TNC: variants seen among roughly 807,000 people sequenced by gnomAD.
The protein encoded by TNC is tenascin.
Under a neutral mutation model 202.4 loss-of-function variants are expected in TNC, and 109 were observed. The observed-to-expected ratio is 0.54, with a 90% confidence interval of 0.46 to 0.63. TNC has a LOEUF of 0.63. Among genes scored for constraint, TNC ranks in the 30% least tolerant of loss-of-function variants. The probability of loss-of-function intolerance (pLI) is 0.00; values close to 1 mark genes in which losing one functional copy is unlikely to be tolerated. For synonymous variants in TNC, 1,007 were observed against 1,089.7 expected (o/e 0.92, Z 1.50); for missense variants, 2,756 against 2,833.3 (o/e 0.97, Z 0.62).
intron 20 of TNC, 89 bp from the exon 21 acceptor site, chr9:115,036,330 A>C (rs1830331634): frequency 7.0e-7 from 1 of 1,433,024 alleles, no homozygotes. Flanking sequence ...ACCTCCTTCG[A>C]ACATCGAAAC....
At chr9:115,030,427 T>A in intron 23 of TNC, 22 bp from the exon 24 acceptor site, 1 of 1,605,642 alleles carries the variant, frequency 6.2e-7, no homozygotes, top group Non-Finnish European at 8.5e-7. Flanking sequence ...GGAGAAATGG[T>A]GATGCTCTCA....
chr9:115,089,955 C>T (rs556294790), intron 2 of TNC, among the ~76,000 whole-genome samples: 9 of 152,298 alleles, frequency 5.9e-5, no homozygotes, highest in Non-Finnish European at 1.2e-4. Flanking sequence ...GATAATACAA[C>T]AGTGCCTGTT....
At chr9:115,042,373 A>G in intron 17 of TNC, 32 bp from the exon 18 acceptor site, 1 of 1,612,010 alleles carries the variant, frequency 6.2e-7, no homozygotes, top group South Asian at 1.1e-5. Context: ...AGAAGCCCAG[A>G]AACAGTTAAC....
chr9:115,064,070 T>C lies in TNC; in HGVS notation c.3488-2A>G. 6.2e-7 allele frequency: 1 copy of C among 1,602,076 alleles called. No individual in the cohort carries two copies. The highest frequency in any genetic ancestry group is 8.5e-7 in the Non-Finnish European group (1 of 1,172,516). On this transcript the variant is annotated splice_acceptor_variant, in intron 11 of 27. Coordinates refer to ENST00000350763, the MANE Select transcript of TNC (RefSeq NM_002160.4). LOFTEE classifies it high-confidence loss of function. ...CCTCTCCCAAATTGGGAGTTTCCCC[T>C]GGAGAAGGACAAAGAACTAGTTTAG... is the stretch of plus-strand genomic sequence containing the variant.
intron 22 of TNC, among the ~76,000 whole-genome samples, chr9:115,033,410 A>T (rs569170438): frequency 1.4e-4 from 21 of 152,214 alleles, no homozygotes; most frequent in Non-Finnish European, 2.4e-4. Context: ...TCAGTTCTCT[A>T]GGCTTCTGTG....
intron 1 of TNC, among the ~76,000 whole-genome samples, chr9:115,098,001 T>A (rs751912131): frequency 1.3e-5 from 2 of 152,158 alleles, no homozygotes; most frequent in Admixed American, 6.6e-5. Context: ...GAATATAGGC[T>A]TTAATATTTA....
At chr9:115,107,071 T>C (rs976008392) in intron 1 of TNC, among the ~76,000 whole-genome samples, 1 of 149,500 alleles carries the variant, frequency 6.7e-6, no homozygotes, top group Non-Finnish European at 1.5e-5. Context: ...GGGAACTTAC[T>C]AGATGATTTT....
intron 9 of TNC, among the ~76,000 whole-genome samples, chr9:115,075,410 T>C (rs1436657452): frequency 6.6e-6 from 1 of 152,140 alleles, no homozygotes; most frequent in Non-Finnish European, 1.5e-5. Context: ...TTGGACTAGA[T>C]AATGGTTTAT....
At chr9:115,091,632 G>A (rs374992872) in intron 1 of TNC, among the ~76,000 whole-genome samples, 39 of 152,106 alleles carry the variant, frequency 2.6e-4, no homozygotes, top group South Asian at 1.0e-3. Flanking sequence ...CCCTGGTCCC[G>A]GTAGATGTTC....
At chr9:115,087,343 A>G in intron 2 of TNC, 70 bp from the exon 3 acceptor site, 1 of 1,506,618 alleles carries the variant, frequency 6.6e-7, no homozygotes, top group South Asian at 1.2e-5. Flanking sequence ...TACCCAGGGC[A>G]CCCAGATTCA....
intron 1 of TNC, among the ~76,000 whole-genome samples, chr9:115,091,716 G>T (rs1835250442): frequency 6.6e-6 from 1 of 152,174 alleles, no homozygotes; most frequent in South Asian, 2.1e-4. Context: ...GTCATGAGAG[G>T]CAGAGGTTAA....
At chr9:115,060,841 T>G (rs1434292456) in intron 13 of TNC, among the ~76,000 whole-genome samples, 1 of 152,158 alleles carries the variant, frequency 6.6e-6, no homozygotes, top group Non-Finnish European at 1.5e-5. Context: ...TGCTCGTACT[T>G]TATGTCTAAA....
chr9:115,023,973 C>T lies in TNC; in HGVS notation c.6495G>A (p.Gln2165=), dbSNP rs1461072843. ...MGRYGDNNHS[Q]GVNWFHWKGH... ...CTCTGGGCCCTCACGGTCCACTCAC[C>T]TGACTGTGGTTATTGTCCCCATATC... The change falls in exon 27 of 28, where the codon CAG becomes CAA. Residue 2165 remains glutamine, a splice_region_variant and synonymous_variant. Transcript: ENST00000350763. 5 of 1,613,328 alleles carry T rather than the reference C, an allele frequency of 3.1e-6. No homozygotes were observed. Among genetic ancestry groups the T allele is most frequent in the East Asian group, 2.2e-5 (1 of 44,852 alleles).
chr9:115,095,484 ATATATATG>A (rs1564137708), intron 1 of TNC, among the ~76,000 whole-genome samples: 7 of 22,726 alleles, frequency 3.1e-4, no homozygotes, highest in Admixed American at 9.7e-4. Flanking sequence ...ATATATGTAT[ATATATATG>A]TATATATATG....
rs1393771240 is a variant in TNC at position 115,064,817 on chromosome 9, A to G, written c.3317T>C (p.Ile1106Thr). ...AADQAYEHFIIQVQEANKVEA... is the reference protein window; with the variant it reads ...AADQAYEHFITQVQEANKVEA... The stretch of plus-strand genomic sequence containing the variant: ...CACCTTGTTGGCCTCCTGCACCTGA[A>G]TGATAAAGTGCTCATAGGCCTGGTC... The change falls in exon 11 of 28, where the codon ATT becomes ACT. Residue 1106 changes from isoleucine (I) to threonine (T), a missense_variant. Around this residue, in one of 2 missense-constraint regions of TNC, gnomAD observed 2,559 missense variants for 2,546.0 expected, o/e 1.01. Transcript: ENST00000350763. 1.9e-6 allele frequency: 3 copies of G among 1,614,128 alleles called. No individual in the cohort carries two copies. The highest frequency in any genetic ancestry group is 1.7e-6 in the Non-Finnish European group (2 of 1,180,012).
At chr9:115,095,660 G>A (rs1338826864) in intron 1 of TNC, among the ~76,000 whole-genome samples, 3 of 23,364 alleles carry the variant, frequency 1.3e-4, no homozygotes, top group East Asian at 4.2e-3. Context: ...GTATATATAT[G>A]TATATATATA....
chr9:115,069,598 T>C (rs528921385), intron 10 of TNC, among the ~76,000 whole-genome samples: 87 of 38,654 alleles, frequency 2.3e-3, no homozygotes, highest in African/African-American at 2.8e-3. Context: ...TTCCTTCCCT[T>C]CCTCCCTCCC....
chr9:115,107,074 A>G (rs982369798), intron 1 of TNC, among the ~76,000 whole-genome samples: 1 of 149,278 alleles, frequency 6.7e-6, no homozygotes, highest in Non-Finnish European at 1.5e-5. Flanking sequence ...AACTTACTAG[A>G]TGATTTTTTT....
rs1180959514 is a variant in TNC at position 115,090,786 on chromosome 9, G to T, written c.233C>A (p.Ala78Glu). ...GCTTTCGCTGGGCTCTGAAGGCGGT[G>T]CCAGGTCTTTCTCCCCACTGGCTGA... ...LESASGEKDL[A>E]PPSEPSESFQ... The change falls in exon 2 of 28, where the codon GCA becomes GAA. Residue 78 changes from alanine (A) to glutamate (E), a missense_variant. Ala to Glu is a moderately radical substitution (Grantham distance 107). Coordinates refer to ENST00000350763, the MANE Select transcript of TNC (RefSeq NM_002160.4). 1 of 1,614,228 alleles carries T rather than the reference G, an allele frequency of 6.2e-7. No homozygotes were observed. Among genetic ancestry groups the T allele is most frequent in the Non-Finnish European group, 8.5e-7 (1 of 1,180,046 alleles).
Sources: allele counts gnomAD v4.1 joint callset (sites outside exome capture counted in the v4.1 genomes callset), GRCh38; gene constraint gnomAD v4.1.1; regional missense constraint gnomAD v4.1.1; transcripts MANE v1.5; gene names NCBI Gene and HGNC (gene_info 2026-07-23, HGNC 2026-07-21).